The following MTHFD2L variants were observed in gnomAD, a reference collection of about 807,000 sequenced individuals.
MTHFD2L encodes bifunctional methylenetetrahydrofolate dehydrogenase/cyclohydrolase 2, mitochondrial.
Under a neutral mutation model 34.9 loss-of-function variants are expected in MTHFD2L, and 29 were observed. That is an observed-to-expected ratio of 0.83 (90% CI 0.62 to 1.13). The LOEUF (loss-of-function observed/expected upper bound fraction) is 1.13, where lower values mean the gene tolerates loss of function less well. Ranked by LOEUF, MTHFD2L falls within the 50% of genes most tolerant of loss-of-function variation. MTHFD2L has a pLI of 0.00. For missense variants in MTHFD2L, 481 were observed against 446.5 expected (o/e 1.08, Z -0.70); for synonymous variants, 167 against 155.7 (o/e 1.07, Z -0.54).
chr4:74,240,802 A>T (rs1449520460), intron 6 of MTHFD2L, among the ~76,000 whole-genome samples: 1 of 152,186 alleles, frequency 6.6e-6, no homozygotes, highest in Non-Finnish European at 1.5e-5. Flanking sequence ...GCCTGCTGTC[A>T]TGTTGTTTTC....
At chr4:74,284,658 C>G (rs1324013916) in intron 7 of MTHFD2L, among the ~76,000 whole-genome samples, 1 of 151,738 alleles carries the variant, frequency 6.6e-6, no homozygotes, top group East Asian at 1.9e-4. Flanking sequence ...ATGGGAGTTT[C>G]TTTTGCTGTG....
chr4:74,197,493 T>C (rs1334789074), intron 3 of MTHFD2L, among the ~76,000 whole-genome samples: 1 of 152,160 alleles, frequency 6.6e-6, no homozygotes, highest in African/African-American at 2.4e-5. Flanking sequence ...AACAATACAT[T>C]TCTTGGGATA....
rs896090946 is a variant in MTHFD2L, at chr4:74,225,785, A to G, written c.805+391A>G. Among the ~76,000 whole-genome samples the G allele has an allele frequency of 3.9e-5, 6 of 152,156 alleles. No individual in the cohort carries two copies. In the East Asian group the frequency reaches 1.2e-3, roughly 29 times the overall value. On this transcript the variant is annotated intron_variant, in intron 6 of 7. Coordinates refer to ENST00000325278, the MANE Select transcript of MTHFD2L (RefSeq NM_001144978.3). Reference sequence around the variant, plus strand: ...GAACATAGAATGTTCAGGTGAGGGGAAAAGATAGTCACTATGCTGCCCTAA... The same window carrying G: ...GAACATAGAATGTTCAGGTGAGGGGGAAAGATAGTCACTATGCTGCCCTAA...
intron 6 of MTHFD2L, among the ~76,000 whole-genome samples, chr4:74,254,732 A>C (rs1369405294): frequency 6.6e-6 from 1 of 152,218 alleles, no homozygotes; most frequent in East Asian, 1.9e-4. Context: ...GAATATAGTC[A>C]AGTTCAACAT....
At chr4:74,128,260 T>A (rs1005368956) in intron 1 of MTHFD2L, among the ~76,000 whole-genome samples, 1 of 152,102 alleles carries the variant, frequency 6.6e-6, no homozygotes, top group African/African-American at 2.4e-5. Flanking sequence ...ATCTCAATTG[T>A]CAATTTTTGT....
At chr4:74,294,986 C>T (rs1051968505) in intron 7 of MTHFD2L, among the ~76,000 whole-genome samples, 4 of 152,102 alleles carry the variant, frequency 2.6e-5, no homozygotes, top group Admixed American at 2.6e-4. Context: ...TTCTCCTTCA[C>T]TACTTTCTTC....
chr4:74,278,806 A>G (rs1443738956), intron 6 of MTHFD2L, among the ~76,000 whole-genome samples: 1 of 152,132 alleles, frequency 6.6e-6, no homozygotes, highest in East Asian at 1.9e-4. Context: ...AAAGGTGAAA[A>G]TGCATCTGGA....
At chr4:74,255,295 A>G (rs889810662) in intron 6 of MTHFD2L, among the ~76,000 whole-genome samples, 4 of 152,156 alleles carry the variant, frequency 2.6e-5, no homozygotes, top group Non-Finnish European at 5.9e-5. Flanking sequence ...GCTTGAATAC[A>G]GTTGTAACTG....
intron 6 of MTHFD2L, among the ~76,000 whole-genome samples, chr4:74,258,522 CCAA>C (rs1744304546): frequency 1.3e-5 from 2 of 151,858 alleles, no homozygotes; most frequent in African/African-American, 4.8e-5. Context: ...GGATGTGAAA[CCAA>C]CAAGGGCTGA....
chr4:74,174,672 A>C lies in MTHFD2L; in HGVS notation c.310A>C (p.Arg104=). The C allele has an allele frequency of 6.5e-7, 1 of 1,547,708 alleles. No individual in the cohort carries two copies. Among genetic ancestry groups the C allele is most frequent in the South Asian group, 1.3e-5 (1 of 79,718 alleles). The change falls in exon 2 of 8, where the codon AGA becomes CGA. Residue 104 remains arginine, a synonymous_variant. Transcript: ENST00000325278. ...CCATACATATGTCAGGAATAAGATA[A>C]GAGCTGCCTCTGCTGTAGGTGGGTG... The part of the protein sequence containing the change: ...ASHTYVRNKI[R]AASAVGICSE...
At chr4:74,149,476 A>G (rs1723798646) in intron 1 of MTHFD2L, among the ~76,000 whole-genome samples, 2 of 147,022 alleles carry the variant, frequency 1.4e-5, no homozygotes, top group Admixed American at 1.4e-4. Flanking sequence ...AAAAGGGAAA[A>G]AGCAAGTGCT....
chr4:74,258,501 A>G (rs1228111913), intron 6 of MTHFD2L, among the ~76,000 whole-genome samples: 1 of 152,126 alleles, frequency 6.6e-6, no homozygotes, highest in African/African-American at 2.4e-5. Flanking sequence ...GATTGAAAAT[A>G]CGGTATTCTT....
chr4:74,181,119 A>G (rs1041752464), intron 3 of MTHFD2L, among the ~76,000 whole-genome samples: 4 of 152,146 alleles, frequency 2.6e-5, no homozygotes, highest in Admixed American at 2.6e-4. Context: ...AACTTGAAGC[A>G]CACTGGAATT....
chr4:74,234,445 T>C (rs929111270), intron 6 of MTHFD2L, among the ~76,000 whole-genome samples: 2 of 152,112 alleles, frequency 1.3e-5, no homozygotes, highest in African/African-American at 4.8e-5. Context: ...TAGCACTATT[T>C]CTATAATACT....
At chr4:74,172,931 A>G (rs1728313557) in intron 1 of MTHFD2L, among the ~76,000 whole-genome samples, 1 of 152,166 alleles carries the variant, frequency 6.6e-6, no homozygotes, top group African/African-American at 2.4e-5. Flanking sequence ...CAAAGTTTGC[A>G]TTTTGTGTGT....
intron 6 of MTHFD2L, among the ~76,000 whole-genome samples, chr4:74,247,086 C>T (rs1344713085): frequency 2.7e-5 from 4 of 146,276 alleles, no homozygotes; most frequent in Admixed American, 6.8e-5. Flanking sequence ...GCCATTTTCA[C>T]AATATTGATT....
intron 1 of MTHFD2L, among the ~76,000 whole-genome samples, chr4:74,168,825 G>T (rs574734120): frequency 2.0e-5 from 3 of 152,132 alleles, no homozygotes; most frequent in Non-Finnish European, 4.4e-5. Flanking sequence ...TTATTCAGGG[G>T]CTGAACATTT....
chr4:74,244,626 C>T (rs1742162097), intron 6 of MTHFD2L, among the ~76,000 whole-genome samples: 2 of 152,054 alleles, frequency 1.3e-5, no homozygotes, highest in African/African-American at 4.8e-5. Context: ...ATGCTATTTT[C>T]CAAATAAGCA....
chr4:74,237,366 C>T (rs112416916), intron 6 of MTHFD2L, among the ~76,000 whole-genome samples: 4 of 152,092 alleles, frequency 2.6e-5, no homozygotes, highest in Non-Finnish European at 4.4e-5. Context: ...AGTGCTTAAC[C>T]GGTTAGGCAC....
Sources: allele counts gnomAD v4.1 joint callset (sites outside exome capture counted in the v4.1 genomes callset), GRCh38; gene constraint gnomAD v4.1.1; transcripts MANE v1.5; gene names NCBI Gene and HGNC (gene_info 2026-07-23, HGNC 2026-07-21).